Variants in CCSER1 observed in about 807,000 individuals in gnomAD.
CCSER1 encodes the protein serine-rich coiled-coil domain-containing protein 1.
A neutral mutation model predicts 82.0 loss-of-function variants in CCSER1; 41 were observed. The observed-to-expected ratio is 0.50, with a 90% CI of 0.39 to 0.65. The LOEUF (loss-of-function observed/expected upper bound fraction) is 0.65, where lower values mean the gene tolerates loss of function less well. Among genes scored for constraint, CCSER1 ranks in the 30% least tolerant of loss-of-function variants. The pLI is 0.00. For synonymous variants in CCSER1, 414 were observed against 383.9 expected, an observed-to-expected ratio of 1.08 and a Z score of -0.92; for missense variants, 1,119 against 1,064.2, an observed-to-expected ratio of 1.05 and a Z score of -0.72.
intron 10 of CCSER1, among the ~76,000 whole-genome samples, chr4:91,177,283 T>A (rs1034444616): frequency 2.0e-5 from 3 of 152,228 alleles, no homozygotes; most frequent in African/African-American, 7.2e-5. Context: ...AAATTCTCTT[T>A]TTCTGCTGTG....
chr4:90,899,683 C>T (rs1279816573), intron 8 of CCSER1, among the ~76,000 whole-genome samples: 3 of 151,926 alleles, frequency 2.0e-5, no homozygotes, highest in Admixed American at 6.6e-5. Context: ...TTATGTAAAA[C>T]TTTTTCTGCC....
intron 1 of CCSER1, among the ~76,000 whole-genome samples, chr4:90,273,431 T>C (rs1726963234): frequency 6.6e-6 from 1 of 152,140 alleles, no homozygotes; most frequent in Non-Finnish European, 1.5e-5. Flanking sequence ...CTGATGTAAT[T>C]ATTATACATT....
At chr4:90,628,258 T>A in intron 6 of CCSER1, 26 bp downstream of exon 6, 1 of 1,567,510 alleles carries the variant, frequency 6.4e-7, no homozygotes, top group Middle Eastern at 2.1e-4. Flanking sequence ...AAGATTAATG[T>A]CCTTCAGTGC....
intron 10 of CCSER1, among the ~76,000 whole-genome samples, chr4:91,592,601 C>T (rs1030996013): frequency 1.3e-4 from 20 of 152,074 alleles, no homozygotes; most frequent in African/African-American, 4.3e-4. Context: ...AGAACTGTAA[C>T]CAAGAATAAT....
At chr4:91,363,849 A>T (rs1749430251) in intron 10 of CCSER1, among the ~76,000 whole-genome samples, 1 of 151,676 alleles carries the variant, frequency 6.6e-6, no homozygotes, top group Non-Finnish European at 1.5e-5. Context: ...TTTAGGGAAC[A>T]TTACTTTTAG....
At chr4:91,387,994 T>C (rs893591145) in intron 10 of CCSER1, among the ~76,000 whole-genome samples, 14 of 152,092 alleles carry the variant, frequency 9.2e-5, no homozygotes, top group Middle Eastern at 3.2e-3. Context: ...CTTTTTCATT[T>C]TATTGTAACA....
intron 9 of CCSER1, among the ~76,000 whole-genome samples, chr4:90,964,873 G>T (rs756258249): frequency 6.6e-6 from 1 of 151,912 alleles, no homozygotes; most frequent in Non-Finnish European, 1.5e-5. Context: ...AGTTCTAACA[G>T]CAAACATTGT....
intron 9 of CCSER1, among the ~76,000 whole-genome samples, chr4:90,972,952 G>T (rs1735258524): frequency 6.6e-6 from 1 of 151,706 alleles, no homozygotes; most frequent in Non-Finnish European, 1.5e-5. Context: ...GAGAGAACTG[G>T]ATATCCATAT....
chr4:90,241,306 G>T (rs1334911473), intron 1 of CCSER1, among the ~76,000 whole-genome samples: 2 of 152,150 alleles, frequency 1.3e-5, no homozygotes, highest in African/African-American at 4.8e-5. Context: ...ATGTATGAAT[G>T]AGTTGCCAAC....
chr4:90,950,239 T>C (rs2150352196), intron 9 of CCSER1, among the ~76,000 whole-genome samples: 1 of 152,258 alleles, frequency 6.6e-6, no homozygotes, highest in South Asian at 2.1e-4. Context: ...TGGCTATATG[T>C]TATAGATATC....
intron 4 of CCSER1, among the ~76,000 whole-genome samples, chr4:90,431,734 G>A (rs1307578237): frequency 6.6e-6 from 1 of 152,080 alleles, no homozygotes; most frequent in Non-Finnish European, 1.5e-5. Flanking sequence ...GGATGCCCCT[G>A]TATCAGCACT....
chr4:90,975,855 A>G (rs1485644341), intron 9 of CCSER1, among the ~76,000 whole-genome samples: 1 of 151,288 alleles, frequency 6.6e-6, no homozygotes, highest in East Asian at 1.9e-4. Flanking sequence ...TACTCATTAT[A>G]TTAATTATTA....
At chr4:90,966,265 A>G (rs1734551159) in intron 9 of CCSER1, among the ~76,000 whole-genome samples, 2 of 152,028 alleles carry the variant, frequency 1.3e-5, no homozygotes, top group African/African-American at 4.8e-5. Flanking sequence ...CTTGAAGTCC[A>G]TGTGGTATAA....
intron 10 of CCSER1, among the ~76,000 whole-genome samples, chr4:91,406,526 G>A (rs1226900171): frequency 6.6e-6 from 1 of 152,154 alleles, no homozygotes; most frequent in Admixed American, 6.6e-5. Context: ...GGACTCATCT[G>A]TTTGTAAATA....
intron 5 of CCSER1, among the ~76,000 whole-genome samples, chr4:90,497,195 C>T (rs914453873): frequency 6.6e-6 from 1 of 152,012 alleles, no homozygotes; most frequent in African/African-American, 2.4e-5. Context: ...TGCATGGTAC[C>T]TTGTTAACTG....
chr4:91,210,543 AT>A (rs112784347), intron 10 of CCSER1, among the ~76,000 whole-genome samples: 534 of 147,514 alleles, frequency 3.6e-3, no homozygotes, highest in African/African-American at 0.011. Flanking sequence ...GTACACTGTG[AT>A]TTTTTTTTTT....
intron 7 of CCSER1, among the ~76,000 whole-genome samples, chr4:90,785,961 G>A (rs1395860631): frequency 2.0e-5 from 3 of 152,170 alleles, no homozygotes; most frequent in Admixed American, 2.0e-4. Context: ...TTGTGGAGCT[G>A]AGAGGTACTT....
At chr4:91,586,474 G>A (rs555782446) in intron 10 of CCSER1, among the ~76,000 whole-genome samples, 1 of 151,794 alleles carries the variant, frequency 6.6e-6, no homozygotes, top group South Asian at 2.1e-4. Flanking sequence ...CAGAGAAACA[G>A]GAGAGGCACC....
intron 5 of CCSER1, among the ~76,000 whole-genome samples, chr4:90,591,472 A>G (rs555642270): frequency 2.0e-5 from 3 of 152,332 alleles, no homozygotes; most frequent in African/African-American, 7.2e-5. Context: ...ATGCATATCA[A>G]AACAACAATG....
Sources: gnomAD v4.1 joint callset for allele counts (sites outside exome capture counted in the v4.1 genomes callset) on GRCh38, gnomAD v4.1.1 for gene constraint, MANE v1.5 for transcripts, NCBI Gene and HGNC (gene_info 2026-07-23, HGNC 2026-07-21) for gene names.